PTPRM: variants seen among roughly 807,000 people sequenced by gnomAD.
PTPRM encodes protein tyrosine phosphatase receptor type M, also known as receptor-type tyrosine-protein phosphatase mu.
PTPRM carries 47 observed loss-of-function variants against 186.7 expected under a neutral mutation model. The observed-to-expected ratio is 0.25, with a 90% CI of 0.20 to 0.32. The LOEUF is 0.32. Among genes scored for constraint, PTPRM ranks in the 10% least tolerant of loss-of-function variants. The probability of loss-of-function intolerance (pLI) is 1.00; values close to 1 mark genes in which losing one functional copy is unlikely to be tolerated. For synonymous variants in PTPRM, 668 were observed against 674.9 expected (o/e 0.99, Z 0.16); for missense variants, 1,494 against 1,865.0 (o/e 0.80, Z 3.66).
chr18:8,032,014 G>A lies in PTPRM; in HGVS notation c.1133-37672G>A, dbSNP rs8094267. Among the ~76,000 whole-genome samples the A allele has an allele frequency of 9.9e-3, 1,500 of 152,194 alleles. 25 individuals carry two copies. The highest frequency in any genetic ancestry group is 0.035 in the African/African-American group (1,446 of 41,512). ...CTATTTGTCTATTCAATAAATTAGG[G>A]GAAAAATAATGTTGAAAAAAGGGGA... On this transcript the variant is annotated intron_variant, in intron 7 of 32. Transcript: ENST00000580170.
rs78831610 is a variant in PTPRM, at chr18:7,788,661, A to C, written c.196+14390A>C. On this transcript the variant is annotated intron_variant, in intron 2 of 32. Coordinates refer to ENST00000580170, the MANE Select transcript of PTPRM (RefSeq NM_001105244.2). ...TTGAAAGACTTGAAAATTGTGCTTAATGGAAATTTCATGTGCATGGATAGC... is the reference window on the plus strand; with the variant it reads ...TTGAAAGACTTGAAAATTGTGCTTACTGGAAATTTCATGTGCATGGATAGC... Among the ~76,000 whole-genome samples the C allele has an allele frequency of 1.4e-4, 22 of 152,360 alleles. No individual in the cohort carries two copies. The East Asian group carries it at 2.9e-3, about 20-fold the overall frequency.
At chr18:7,950,552 C>G (rs955500242) in intron 6 of PTPRM, among the ~76,000 whole-genome samples, 4 of 152,176 alleles carry the variant, frequency 2.6e-5, no homozygotes, top group Non-Finnish European at 5.9e-5. Context: ...CCTGTATGTG[C>G]TGCTGTTTCC....
At chr18:7,949,641 T>G (rs2052801033) in intron 6 of PTPRM, among the ~76,000 whole-genome samples, 1 of 152,164 alleles carries the variant, frequency 6.6e-6, no homozygotes, top group Non-Finnish European at 1.5e-5. Flanking sequence ...ACTTATAAAT[T>G]TTTTTTAAGG....
intron 2 of PTPRM, among the ~76,000 whole-genome samples, chr18:7,850,326 C>T (rs1298990502): frequency 6.6e-6 from 1 of 152,138 alleles, no homozygotes; most frequent in Non-Finnish European, 1.5e-5. Context: ...TTGTTTCAGA[C>T]CATTCTCCAT....
Position 8,316,943 on chromosome 18 carries a change from C to T in PTPRM, c.2919+2086C>T, listed in dbSNP as rs7226582. ...GCCTTGTTGTGGAATTTGTGCCTGGCGATTTTGAAGAAAAGCAAGCAGGCA... is the reference window on the plus strand; with the variant it reads ...GCCTTGTTGTGGAATTTGTGCCTGGTGATTTTGAAGAAAAGCAAGCAGGCA... On this transcript the variant is annotated intron_variant, in intron 21 of 32. Transcript: ENST00000580170. Among the ~76,000 whole-genome samples the T allele has an allele frequency of 1.5e-3, 221 of 152,118 alleles. 1 individual carries two copies. Among genetic ancestry groups the T allele is most frequent in the African/African-American group, 5.1e-3 (213 of 41,494 alleles).
intron 2 of PTPRM, among the ~76,000 whole-genome samples, chr18:7,812,139 A>G (rs528052799): frequency 6.6e-6 from 1 of 152,354 alleles, no homozygotes; most frequent in East Asian, 1.9e-4. Flanking sequence ...CTGTGATAAC[A>G]ATATTGGATG....
In PTPRM at chr18:8,278,122, C is replaced by T. The variant is rs150228391; in HGVS notation, c.2755-18246C>T. Among the ~76,000 whole-genome samples, 340 of 152,322 alleles carry T rather than the reference C, an allele frequency of 2.2e-3. 1 individual carries two copies. The highest frequency in any genetic ancestry group is 7.9e-3 in the African/African-American group (329 of 41,576). On this transcript the variant is annotated intron_variant, in intron 19 of 32. Transcript: ENST00000580170. ...TTCTCCATACCTACTCATATGTCACCTAAGAAACTACCTAAATTGATCTCA... is the reference window on the plus strand; with the variant it reads ...TTCTCCATACCTACTCATATGTCACTTAAGAAACTACCTAAATTGATCTCA...
At chr18:7,677,847 T>C (rs889750276) in intron 1 of PTPRM, among the ~76,000 whole-genome samples, 2 of 152,152 alleles carry the variant, frequency 1.3e-5, no homozygotes, top group African/African-American at 4.8e-5. Context: ...GTTGCCTATG[T>C]CCCCTACCCT....
At chr18:8,137,989 A>G (rs893538871) in intron 13 of PTPRM, among the ~76,000 whole-genome samples, 1 of 152,154 alleles carries the variant, frequency 6.6e-6, no homozygotes, top group African/African-American at 2.4e-5. Context: ...CAGTACCTTG[A>G]GCACAAAACG....
At chr18:8,274,445 G>T (rs1263109239) in intron 19 of PTPRM, among the ~76,000 whole-genome samples, 2 of 152,040 alleles carry the variant, frequency 1.3e-5, no homozygotes, top group Non-Finnish European at 1.5e-5. Flanking sequence ...CTTCATAATT[G>T]CTTTTCCAAT....
intron 2 of PTPRM, among the ~76,000 whole-genome samples, chr18:7,861,316 G>A (rs1207270295): frequency 6.6e-6 from 1 of 151,972 alleles, no homozygotes; most frequent in Non-Finnish European, 1.5e-5. Context: ...TGCTTATAAA[G>A]TAAACAGAAT....
chr18:8,005,943 A>T (rs1284479184), intron 7 of PTPRM, among the ~76,000 whole-genome samples: 1 of 152,240 alleles, frequency 6.6e-6, no homozygotes, highest in East Asian at 1.9e-4. Context: ...CCCCTGAATC[A>T]CAGAGGCTCT....
intron 1 of PTPRM, among the ~76,000 whole-genome samples, chr18:7,738,502 C>A (rs927109206): frequency 1.3e-5 from 2 of 151,976 alleles, no homozygotes; most frequent in African/African-American, 4.8e-5. Context: ...GTGGCACGAT[C>A]TCAGCTCACT....
chr18:7,572,620 A>G (rs1367351848), intron 1 of PTPRM, among the ~76,000 whole-genome samples: 3 of 152,116 alleles, frequency 2.0e-5, no homozygotes, highest in African/African-American at 4.8e-5. Context: ...TCATTTAGGG[A>G]ATCAGGCATT....
intron 2 of PTPRM, among the ~76,000 whole-genome samples, chr18:7,798,922 C>G (rs2043811851): frequency 6.6e-6 from 1 of 152,050 alleles, no homozygotes. Flanking sequence ...CTTAATTTGT[C>G]CATTTTTGCA....
chr18:7,846,207 A>C (rs9951612), intron 2 of PTPRM, among the ~76,000 whole-genome samples: 3,937 of 152,284 alleles, frequency 0.026, 172 homozygotes, highest in African/African-American at 0.089. Context: ...GTCCACTCAC[A>C]CGCCTGAAAT....
At chr18:8,355,770 A>T (rs1341141997) in intron 23 of PTPRM, among the ~76,000 whole-genome samples, 1 of 152,234 alleles carries the variant, frequency 6.6e-6, no homozygotes, top group Non-Finnish European at 1.5e-5. Context: ...AGAATATTAT[A>T]AGCTCAAAAT....
At chr18:8,358,130 T>A (rs74611765) in intron 23 of PTPRM, among the ~76,000 whole-genome samples, 1 of 150,528 alleles carries the variant, frequency 6.6e-6, no homozygotes, top group Non-Finnish European at 1.5e-5. Context: ...AGGCTAGCTA[T>A]TCCCCCCCCC....
intron 3 of PTPRM, among the ~76,000 whole-genome samples, chr18:7,890,809 C>T (rs1271338944): frequency 2.0e-5 from 3 of 151,790 alleles, no homozygotes; most frequent in East Asian, 3.9e-4. Flanking sequence ...TACCTCAATA[C>T]AAAAATTTAT....
Sources: allele counts gnomAD v4.1 joint callset (sites outside exome capture counted in the v4.1 genomes callset), GRCh38; gene constraint gnomAD v4.1.1; transcripts MANE v1.5; gene names NCBI Gene and HGNC (gene_info 2026-07-23, HGNC 2026-07-21).